PRAP1: variants seen among roughly 807,000 people sequenced by gnomAD.
PRAP1 encodes proline-rich acidic protein 1.
In PRAP1, 12 loss-of-function variants were observed where a neutral mutation model predicts 14.6. That is an observed-to-expected ratio of 0.82 (90% confidence interval 0.53 to 1.33). PRAP1 has a LOEUF of 1.33. PRAP1 is among the 40% of genes most tolerant of loss of function. The pLI is 0.00. For missense variants in PRAP1, 160 were observed against 193.7 expected (o/e 0.83, Z 1.03); for synonymous variants, 81 against 80.3 (o/e 1.01, Z -0.04).
At chr10:133,348,835 A>G (rs1848627747) in intron 1 of PRAP1, among the ~76,000 whole-genome samples, 1 of 151,436 alleles carries the variant, frequency 6.6e-6, no homozygotes, top group Non-Finnish European at 1.5e-5. Context: ...GCAGTTTCAT[A>G]TTTTTAGTAG....
rs767893272 is a variant in PRAP1 at position 133,347,456 on chromosome 10, C to T, written c.8+31C>T. On this transcript the variant is annotated intron_variant, in intron 1 of 4. Transcript: ENST00000433452. This position sits in a 1 kb window ranked among gnomAD's most constrained non-coding sequence, Gnocchi z 5.0. ...GCCACCATCCCTGAGCCCCAATCCC[C>T]ACCCCACCCAAACCTGGAGGCCTGG... is the stretch of plus-strand genomic sequence containing the variant. 1 of 1,597,252 alleles carries T rather than the reference C, an allele frequency of 6.3e-7. No individual in the cohort carries two copies. The highest frequency in any genetic ancestry group is 1.3e-5 in the African/African-American group (1 of 74,610).
chr10:133,352,669 CA>C lies in PRAP1; in HGVS notation c.*234del. On this transcript the variant is annotated 3_prime_UTR_variant, in exon 5 of 5. Coordinates refer to ENST00000433452, the MANE Select transcript of PRAP1 (RefSeq NM_145202.5). Reference sequence around the variant, plus strand: ...TGAAACCCCGTCTCTACTAAAAATACAAAAATTAGCCGGGTATGGTGCCGGG... The same window carrying C: ...TGAAACCCCGTCTCTACTAAAAATACAAAATTAGCCGGGTATGGTGCCGGG... The C allele has an allele frequency of 2.2e-6, 1 of 464,606 alleles. No individual in the cohort carries two copies. The highest frequency in any genetic ancestry group is 3.9e-6 in the Non-Finnish European group (1 of 258,718). 28.8% of individuals were successfully genotyped at this position (464,606 alleles called of 1,614,324 possible).
Position 133,351,366 on chromosome 10 carries a change from G to C in PRAP1, c.76-15G>C, listed in dbSNP as rs756815704. The stretch of plus-strand genomic sequence containing the variant: ...GTGGACTGTGGCCCAGCCCACACCT[G>C]TGACTCTCCCCCAGGTCCCTATCAA... On this transcript the variant is annotated splice_polypyrimidine_tract_variant and intron_variant, in intron 2 of 4. Transcript: ENST00000433452. This position sits in a 1 kb window ranked among gnomAD's most constrained non-coding sequence, Gnocchi z 4.3. The C allele has an allele frequency of 1.9e-6, 3 of 1,609,652 alleles. No individual in the cohort carries two copies. The highest frequency in any genetic ancestry group is 1.3e-5 in the African/African-American group (1 of 74,728).
In PRAP1 at chr10:133,349,770, G is replaced by A. The variant is rs11813288; in HGVS notation, c.9-325G>A. Among the ~76,000 whole-genome samples the A allele has an allele frequency of 9.9e-3, 1,514 of 152,292 alleles. 23 individuals are homozygous for A. The highest frequency in any genetic ancestry group is 0.035 in the African/African-American group (1,436 of 41,562). The stretch of plus-strand genomic sequence containing the variant: ...TCATGTGTGTCCCCACGTGGAGGGC[G>A]GCACAGAGGCATGGCAGAACCTCTG... On this transcript the variant is annotated intron_variant, in intron 1 of 4. Coordinates refer to ENST00000433452, the MANE Select transcript of PRAP1 (RefSeq NM_145202.5).
intron 1 of PRAP1, 34 bp from the exon 2 acceptor site, chr10:133,350,061 C>A: frequency 6.4e-7 from 1 of 1,556,110 alleles, no homozygotes; most frequent in South Asian, 1.1e-5. Context: ...TCCCCTTCCC[C>A]TACCTCACAC....
At position 133,352,330 on chromosome 10, in the gene PRAP1, C is replaced by A. The variant is rs1255447239; in HGVS notation, c.346C>A (p.Pro116Thr). ...EPDHDSLYHPPPEEDQGEERP... is the reference protein window; with the variant it reads ...EPDHDSLYHPTPEEDQGEERP... Reference sequence around the variant, plus strand: ...CGACCATGACAGCCTGTACCACCCTCCGCCTGAGGAGGACCAGGGCGAGGA... The same window carrying A: ...CGACCATGACAGCCTGTACCACCCTACGCCTGAGGAGGACCAGGGCGAGGA... The change falls in exon 5 of 5, where the codon CCG becomes ACG. Residue 116 changes from proline (P) to threonine (T), a missense_variant. Physicochemically the swap from Pro to Thr is conservative, Grantham distance 38. Coordinates refer to ENST00000433452, the MANE Select transcript of PRAP1 (RefSeq NM_145202.5). 6.2e-7 allele frequency: 1 copy of A among 1,613,192 alleles called. No individual in the cohort carries two copies. Among genetic ancestry groups the A allele is most frequent in the East Asian group, 2.2e-5 (1 of 44,876 alleles).
rs1848678558 is a variant in PRAP1, at chr10:133,351,513, G to A, written c.128+80G>A. ...TTCTGCTGGGCCCTTCCTGAACCTGGAGAGCACGGGGCAGATGCAGAGAGG... is the reference window on the plus strand; with the variant it reads ...TTCTGCTGGGCCCTTCCTGAACCTGAAGAGCACGGGGCAGATGCAGAGAGG... On this transcript the variant is annotated intron_variant, in intron 3 of 4. Coordinates refer to ENST00000433452, the MANE Select transcript of PRAP1 (RefSeq NM_145202.5). This position sits in a 1 kb window ranked among gnomAD's most constrained non-coding sequence, Gnocchi z 4.3. 1.9e-5 allele frequency: 22 copies of A among 1,144,148 alleles called. No individual in the cohort carries two copies. Among genetic ancestry groups the A allele is most frequent in the Non-Finnish European group, 2.8e-5 (22 of 783,916 alleles). The allele number at this position is 1,144,148 out of a possible 1,614,324, so 70.9% of individuals were successfully genotyped here.
At chr10:133,352,203 T>C in intron 4 of PRAP1, 44 bp from the exon 5 acceptor site, 1 of 1,610,766 alleles carries the variant, frequency 6.2e-7, no homozygotes. Context: ...ACCAAGGGTC[T>C]CGGGAAAGAA....
intron 1 of PRAP1, among the ~76,000 whole-genome samples, chr10:133,349,190 C>T (rs1241909042): frequency 1.3e-5 from 2 of 151,482 alleles, no homozygotes; most frequent in Non-Finnish European, 2.9e-5. Flanking sequence ...CCCTTACGCT[C>T]CACCCCACAC....
rs1429730880 is a variant in PRAP1, at chr10:133,347,458, C to T, written c.8+33C>T. 4 of 1,597,000 alleles carry T rather than the reference C, an allele frequency of 2.5e-6. No homozygotes were observed. The highest frequency in any genetic ancestry group is 2.6e-6 in the Non-Finnish European group (3 of 1,170,834). On this transcript the variant is annotated intron_variant, in intron 1 of 4. Transcript: ENST00000433452. The surrounding 1 kb of genome is among the most constrained non-coding windows in gnomAD (Gnocchi z 5.0). ...CACCATCCCTGAGCCCCAATCCCCACCCCACCCAAACCTGGAGGCCTGGCC... is the reference window on the plus strand; with the variant it reads ...CACCATCCCTGAGCCCCAATCCCCATCCCACCCAAACCTGGAGGCCTGGCC...
intron 1 of PRAP1, among the ~76,000 whole-genome samples, chr10:133,348,397 A>G (rs554427724): frequency 6.6e-6 from 1 of 152,276 alleles, no homozygotes; most frequent in Non-Finnish European, 1.5e-5. Flanking sequence ...AGAACGGGCA[A>G]AGGTCCCTGT....
Position 133,352,081 on chromosome 10 carries a change from C to CGA in PRAP1, c.204_205dup (p.Lys69ArgfsTer4), listed in dbSNP as rs1564795012. ...GTGGTGCTGTTCCCTGTCCAGAAGC[C>CGA]GAAACTCTTGACCACCGAGGAGAAG... is the stretch of plus-strand genomic sequence containing the variant. On this transcript the variant is annotated frameshift_variant, in exon 4 of 5. Transcript: ENST00000433452. LOFTEE classifies it high-confidence loss of function. The CGA allele has an allele frequency of 6.2e-7, 1 of 1,612,788 alleles. No homozygotes were observed. Among genetic ancestry groups the CGA allele is most frequent in the Admixed American group, 1.7e-5 (1 of 59,988 alleles).
rs1848654676 is a variant in PRAP1 at position 133,350,095 on chromosome 10, G to C, written c.9G>C (p.Arg3Ser). MR[R>S]LLLVTSLVVV... ...ACTTCCCTCTCTGGCCCCCCCTCAG[G>C]CTCCTCCTGGTCACCAGCCTGGTGG... The change falls in exon 2 of 5, where the codon AGG (arginine) becomes AGC (serine). Residue 3 changes from arginine (R) to serine (S), a missense_variant and splice_region_variant. Coordinates refer to ENST00000433452, the MANE Select transcript of PRAP1 (RefSeq NM_145202.5). 1.2e-6 allele frequency: 2 copies of C among 1,613,252 alleles called. No individual in the cohort carries two copies. The highest frequency in any genetic ancestry group is 8.5e-7 in the Non-Finnish European group (1 of 1,179,740).
chr10:133,352,306 G>C lies in PRAP1; in HGVS notation c.322G>C (p.Asp108His), dbSNP rs144315457. 632 of 1,613,078 alleles carry C rather than the reference G, an allele frequency of 3.9e-4. No homozygotes were observed. The highest frequency in any genetic ancestry group is 5.1e-4 in the Non-Finnish European group (602 of 1,179,988). Residue 108 changes from aspartate (D) to histidine (H), a missense_variant, in exon 5 of 5, where the codon GAC (aspartate) becomes CAC (histidine). Coordinates refer to ENST00000433452, the MANE Select transcript of PRAP1 (RefSeq NM_145202.5). ...TLGHVLSPEPDHDSLYHPPPE... is the reference protein window; with the variant it reads ...TLGHVLSPEPHHDSLYHPPPE... ...GGGCCATGTCCTGAGTCCCGAGCCCGACCATGACAGCCTGTACCACCCTCC... is the reference window on the plus strand; with the variant it reads ...GGGCCATGTCCTGAGTCCCGAGCCCCACCATGACAGCCTGTACCACCCTCC...
In PRAP1 at chr10:133,351,693, G is replaced by A. The variant is rs1308421571; in HGVS notation, c.128+260G>A. On this transcript the variant is annotated intron_variant, in intron 3 of 4. Coordinates refer to ENST00000433452, the MANE Select transcript of PRAP1 (RefSeq NM_145202.5). The surrounding 1 kb of genome is among the most constrained non-coding windows in gnomAD (Gnocchi z 4.3). ...TTCCCCACAGCCTCCAGGGCAGCTTGTGCTCCACGGCTGGTGGCTGTAGCT... is the reference window on the plus strand; with the variant it reads ...TTCCCCACAGCCTCCAGGGCAGCTTATGCTCCACGGCTGGTGGCTGTAGCT... Among the ~76,000 whole-genome samples, 1 of 152,218 alleles carries A rather than the reference G, an allele frequency of 6.6e-6. No homozygotes were observed. Among genetic ancestry groups the A allele is most frequent in the Non-Finnish European group, 1.5e-5 (1 of 68,026 alleles).
intron 1 of PRAP1, among the ~76,000 whole-genome samples, chr10:133,349,756 C>T (rs1272624295): frequency 1.3e-5 from 2 of 152,198 alleles, no homozygotes; most frequent in African/African-American, 2.4e-5. Context: ...CATGTGTGTC[C>T]CCACGTGGAG....
rs771715473 is a variant in PRAP1 at position 133,352,467 on chromosome 10, C to T, written c.*27C>T. ...GCTCCAGGGGCCATCACTGCCCCCG[C>T]CCTGTCCCAAGGCCCAGGCTGTTGG... On this transcript the variant is annotated 3_prime_UTR_variant, in exon 5 of 5. Transcript: ENST00000433452. 3.1e-6 allele frequency: 5 copies of T among 1,598,012 alleles called. No individual in the cohort carries two copies. Among genetic ancestry groups the T allele is most frequent in the African/African-American group, 1.3e-5 (1 of 74,638 alleles).
chr10:133,352,437 G>T lies in PRAP1; in HGVS notation c.453G>T (p.Gln151His). 6.2e-7 allele frequency: 1 copy of T among 1,612,284 alleles called. No homozygotes were observed. Among genetic ancestry groups the T allele is most frequent in the Non-Finnish European group, 8.5e-7 (1 of 1,179,620 alleles). ...EEDQDHIYHPQ is the reference protein window; with the variant it reads ...EEDQDHIYHPH ...ACCAAGACCACATCTACCACCCCCA[G>T]TAGGGCTCCAGGGGCCATCACTGCC... The change falls in exon 5 of 5, where the codon CAG becomes CAT. Residue 151 changes from glutamine to histidine, a missense_variant. Transcript: ENST00000433452.
At chr10:133,349,527 A>C (rs2133402196) in intron 1 of PRAP1, among the ~76,000 whole-genome samples, 1 of 152,134 alleles carries the variant, frequency 6.6e-6, no homozygotes, top group African/African-American at 2.4e-5. Flanking sequence ...CACATACACA[A>C]ACACACACAT....
Sources: gnomAD v4.1 joint callset for allele counts (sites outside exome capture counted in the v4.1 genomes callset) on GRCh38, gnomAD v4.1.1 for gene constraint, Gnocchi (gnomAD v3.1) non-coding constraint, MANE v1.5 for transcripts, NCBI Gene and HGNC (gene_info 2026-07-23, HGNC 2026-07-21) for gene names.